The following ENTPD4 variants were observed in gnomAD, a reference collection of about 807,000 sequenced individuals.
The protein encoded by ENTPD4 is Golgi UDPase.
Under a neutral mutation model 79.1 loss-of-function variants are expected in ENTPD4, and 60 were observed. The ratio of observed to expected loss-of-function variants is 0.76; its 90% CI spans 0.62 to 0.94. ENTPD4 has a LOEUF of 0.94. ENTPD4 is among the 40% of genes least tolerant of loss of function. The pLI is 0.00. For missense variants in ENTPD4, 772 were observed against 775.1 expected, an observed-to-expected ratio of 1.00 and a Z score of 0.05; for synonymous variants, 276 against 292.0, an observed-to-expected ratio of 0.95 and a Z score of 0.56.
rs535298954 is a variant in ENTPD4, at chr8:23,438,971, T to C, written c.1049+778A>G. 3.3e-5 allele frequency among the ~76,000 whole-genome samples: 5 copies of C among 152,326 alleles called. No homozygotes were observed. In the East Asian group the frequency reaches 9.6e-4, roughly 29 times the overall value. ...TTAGCTCTATGAACTAGGATTTTTTTCCCTCAAAATTGTTTCATCAAAATA... is the reference window on the plus strand; with the variant it reads ...TTAGCTCTATGAACTAGGATTTTTTCCCCTCAAAATTGTTTCATCAAAATA... On this transcript the variant is annotated intron_variant, in intron 9 of 12. Transcript: ENST00000358689.
Position 23,436,927 on chromosome 8 carries a change from A to T in ENTPD4, c.1374+7T>A, listed in dbSNP as rs371841267. On this transcript the variant is annotated splice_region_variant and intron_variant, in intron 10 of 12. Transcript: ENST00000358689. ...CATGCAGAGCAGACGGCGTCTCTCA[A>T]GGGTACCTTTGCAGCTTTAGTAAAT... 11 of 1,573,892 alleles carry T rather than the reference A, an allele frequency of 7.0e-6. No individual in the cohort carries two copies. Among genetic ancestry groups the T allele is most frequent in the Non-Finnish European group, 7.8e-6 (9 of 1,159,594 alleles).
chr8:23,444,325 G>T, intron 5 of ENTPD4, 131 bp downstream of exon 5: 1 of 842,986 alleles, frequency 1.2e-6, no homozygotes, highest in Admixed American at 2.6e-5. Context: ...CAGACTTGAA[G>T]AAAGAATTTT....
chr8:23,441,417 T>C (rs1800666904), intron 8 of ENTPD4, 152 bp downstream of exon 8: 4 of 1,457,258 alleles, frequency 2.7e-6, no homozygotes, highest in Admixed American at 2.7e-5. Context: ...AGGTCTGCCT[T>C]GTTCGTCCTG....
At chr8:23,438,865 T>C (rs1800615981) in intron 9 of ENTPD4, among the ~76,000 whole-genome samples, 2 of 152,222 alleles carry the variant, frequency 1.3e-5, no homozygotes, top group South Asian at 4.1e-4. Flanking sequence ...ATGTACTGAA[T>C]AGCTCCAACT....
chr8:23,454,599 G>A lies in ENTPD4; in HGVS notation c.-98+2958C>T, dbSNP rs577871739. 9.8e-5 allele frequency among the ~76,000 whole-genome samples: 15 copies of A among 152,314 alleles called. No homozygotes were observed. The East Asian group carries it at 2.7e-3, about 27-fold the overall frequency. Reference sequence around the variant, plus strand: ...AGCAGGAAAAGATTCCTAGAGGTGGGAGGTCAATTCTAGATGGGGTGAGAA... The same window carrying A: ...AGCAGGAAAAGATTCCTAGAGGTGGAAGGTCAATTCTAGATGGGGTGAGAA... On this transcript the variant is annotated intron_variant, in intron 1 of 12. Transcript: ENST00000358689.
rs761472654 is a variant in ENTPD4, at chr8:23,449,982, C to T, written c.-82G>A. 1.8e-5 allele frequency: 29 copies of T among 1,577,526 alleles called. No homozygotes were observed. In the East Asian group the frequency reaches 3.4e-4, roughly 18 times the overall value. On this transcript the variant is annotated 5_prime_UTR_variant, in exon 2 of 13. It adds an upstream start codon to the 5' untranslated region. Transcript: ENST00000358689. ...TATAGAAATAATGCTGGGGTCCTCA[C>T]GGAGTTAGAGCCCTCCTGTTCCAGG...
chr8:23,443,138 G>A (rs933099224), intron 6 of ENTPD4, among the ~76,000 whole-genome samples: 5 of 150,668 alleles, frequency 3.3e-5, no homozygotes, highest in Admixed American at 2.6e-4. Context: ...GTGCAGTTCA[G>A]ATGTCACTTT....
chr8:23,448,826 G>A lies in ENTPD4; in HGVS notation c.122C>T (p.Ala41Val). 6.2e-7 allele frequency: 1 copy of A among 1,614,056 alleles called. No individual in the cohort carries two copies. Among genetic ancestry groups the A allele is most frequent in the Non-Finnish European group, 8.5e-7 (1 of 1,179,964 alleles). ...AAAATATAAAAGTGAAACAGCAGCA[G>A]CCAGGACACTAATGACCATAATTTG... ...LRQIMVISVL[A>V]AAVSLLYFSV... The change falls in exon 3 of 13, where the codon GCT (alanine) becomes GTT (valine). Residue 41 changes from alanine to valine, a missense_variant. Transcript: ENST00000358689.
In ENTPD4 at chr8:23,430,940, C is replaced by G; in HGVS notation, c.*1986G>C. 5.1e-6 allele frequency: 5 copies of G among 985,416 alleles called. No homozygotes were observed. The highest frequency in any genetic ancestry group is 6.0e-6 in the Non-Finnish European group (5 of 829,942). The allele number at this position is 985,416 out of a possible 1,614,324, so 61.0% of individuals were successfully genotyped here. A position where few individuals can be genotyped will look rare whatever the true frequency, so the allele number is the denominator to read the frequency against. On this transcript the variant is annotated 3_prime_UTR_variant, in exon 13 of 13. Coordinates refer to ENST00000358689, the MANE Select transcript of ENTPD4 (RefSeq NM_004901.5). Reference sequence around the variant, plus strand: ...TCACCCCTTTCTTAACAACTTTGACCACGAAGCGCAAATACGATGCAGGTA... The same window carrying G: ...TCACCCCTTTCTTAACAACTTTGACGACGAAGCGCAAATACGATGCAGGTA...
Position 23,441,742 on chromosome 8 carries a change from G to C in ENTPD4, c.728-19C>G, listed in dbSNP as rs199513848. ...TCATCATCTAGAAAGAACAGAAAGTGTTCACTGGAACAGAACTAATCCAGA... is the reference window on the plus strand; with the variant it reads ...TCATCATCTAGAAAGAACAGAAAGTCTTCACTGGAACAGAACTAATCCAGA... On this transcript the variant is annotated intron_variant, in intron 7 of 12. Transcript: ENST00000358689. 162 of 1,612,508 alleles carry C rather than the reference G, an allele frequency of 1.0e-4. No homozygotes were observed. The African/African-American group carries it at 2.0e-3, about 20-fold the overall frequency.
At chr8:23,434,906 CAAGCACTGTGCT>C in intron 11 of ENTPD4, among the ~76,000 whole-genome samples, 1 of 152,200 alleles carries the variant, frequency 6.6e-6, no homozygotes, top group South Asian at 2.1e-4. Context: ...TATTTTTTGC[CAAGCACTGTGCT>C]AAGCAAGTAA....
rs1225093299 is a variant in ENTPD4 at position 23,432,912 on chromosome 8, A to G, written c.*14T>C. Reference sequence around the variant, plus strand: ...GGCTTTTCCTTTTGAGTCTTCGTGGAGCTGTGAGCTGGATCACAAGGTCCC... The same window carrying G: ...GGCTTTTCCTTTTGAGTCTTCGTGGGGCTGTGAGCTGGATCACAAGGTCCC... On this transcript the variant is annotated 3_prime_UTR_variant, in exon 13 of 13. Transcript: ENST00000358689. 6.4e-7 allele frequency: 1 copy of G among 1,569,248 alleles called. No homozygotes were observed. Among genetic ancestry groups the G allele is most frequent in the Non-Finnish European group, 8.7e-7 (1 of 1,155,124 alleles).
At chr8:23,448,985 G>C (rs1452476441) in intron 2 of ENTPD4, 46 bp from the exon 3 acceptor site, 1 of 1,486,958 alleles carries the variant, frequency 6.7e-7, no homozygotes, top group Non-Finnish European at 9.3e-7. Context: ...GCTCCAATGA[G>C]GCTTCCTTCA....
chr8:23,448,752 TC>T lies in ENTPD4; in HGVS notation c.195del (p.Lys66AsnfsTer22). On this transcript the variant is annotated frameshift_variant, in exon 3 of 13. Transcript: ENST00000358689. LOFTEE classifies it high-confidence loss of function. ...GTTTTTATCTCTTACCTTTGAAATT[TC>T]TTGTCTCTGGTTAGTCGCCCATACT... Reference protein sequence around the residue: ...RNKYGRLTRDKKFQRYLARVT... With the variant: ...RNKYGRLTRDXKFQRYLARVT... The T allele has an allele frequency of 6.2e-7, 1 of 1,613,914 alleles. No individual in the cohort carries two copies. Among genetic ancestry groups the T allele is most frequent in the Non-Finnish European group, 8.5e-7 (1 of 1,179,880 alleles).
At chr8:23,456,167 T>A (rs1800953851) in intron 1 of ENTPD4, among the ~76,000 whole-genome samples, 1 of 152,228 alleles carries the variant, frequency 6.6e-6, no homozygotes, top group South Asian at 2.1e-4. Context: ...CTGGTCCACC[T>A]TATCTCACCA....
Position 23,442,141 on chromosome 8 carries a change from T to G in ENTPD4, c.668-75A>C, listed in dbSNP as rs1025130984. On this transcript the variant is annotated intron_variant, in intron 6 of 12. Coordinates refer to ENST00000358689, the MANE Select transcript of ENTPD4 (RefSeq NM_004901.5). ...GTGTAACTCCTATCTGCGCAGTCTG[T>G]GCAAACGTCTCACTTATTTCACTCC... 5 of 983,382 alleles carry G rather than the reference T, an allele frequency of 5.1e-6. No individual in the cohort carries two copies. In the African/African-American group the frequency reaches 6.4e-5, roughly 13 times the overall value. 60.9% of individuals were successfully genotyped at this position (983,382 alleles called of 1,614,324 possible). A position where few individuals can be genotyped will look rare whatever the true frequency, so the allele number is the denominator to read the frequency against.
rs1800460498 is a variant in ENTPD4 at position 23,431,897 on chromosome 8, C to T, written c.*1029G>A. 1.0e-6 allele frequency: 1 copy of T among 985,258 alleles called. No individual in the cohort carries two copies. 61.0% of individuals were successfully genotyped at this position (985,258 alleles called of 1,614,324 possible). On this transcript the variant is annotated 3_prime_UTR_variant, in exon 13 of 13. Transcript: ENST00000358689. ...AATAAGGAGCGTAATTACCTGCGGT[C>T]AGGAAAAGATAACAGTAACGAGGAT... is the stretch of plus-strand genomic sequence containing the variant.
chr8:23,439,398 A>G (rs1800628534), intron 9 of ENTPD4, among the ~76,000 whole-genome samples: 1 of 152,226 alleles, frequency 6.6e-6, no homozygotes, highest in Non-Finnish European at 1.5e-5. Flanking sequence ...CCTCCAGGAC[A>G]CCACGAGTGC....
At position 23,429,217 on chromosome 8, in the gene ENTPD4, A is replaced by C; in HGVS notation, c.*3709T>G. ...TTCAGTACCCAAGTGTGGCACTGTAAGGCTGCCACATACAGCAAGTGACAT... is the reference window on the plus strand; with the variant it reads ...TTCAGTACCCAAGTGTGGCACTGTACGGCTGCCACATACAGCAAGTGACAT... On this transcript the variant is annotated 3_prime_UTR_variant, in exon 13 of 13. Transcript: ENST00000358689. 1 of 985,456 alleles carries C rather than the reference A, an allele frequency of 1.0e-6. No homozygotes were observed. The highest frequency in any genetic ancestry group is 1.2e-6 in the Non-Finnish European group (1 of 829,918). 61.0% of individuals were successfully genotyped at this position (985,456 alleles called of 1,614,324 possible).
Sources: allele counts gnomAD v4.1 joint callset (sites outside exome capture counted in the v4.1 genomes callset), GRCh38; gene constraint gnomAD v4.1.1; transcripts MANE v1.5; gene names NCBI Gene and HGNC (gene_info 2026-07-23, HGNC 2026-07-21).